PIP5K1A: variants seen among roughly 807,000 people sequenced by gnomAD.
PIP5K1A encodes phosphatidylinositol-4-phosphate 5-kinase type 1 alpha.
Under a neutral mutation model 72.9 loss-of-function variants are expected in PIP5K1A, and 46 were observed. The observed-to-expected ratio is 0.63, with a 90% CI of 0.50 to 0.81. The LOEUF (loss-of-function observed/expected upper bound fraction) is 0.81. Among genes scored for constraint, PIP5K1A ranks in the 30% least tolerant of loss-of-function variants. The probability of loss-of-function intolerance (pLI) is 0.00; values close to 1 mark genes in which losing one functional copy is unlikely to be tolerated. For synonymous variants in PIP5K1A, 228 were observed against 255.1 expected, an observed-to-expected ratio of 0.89 and a Z score of 1.01; for missense variants, 458 against 706.1, an observed-to-expected ratio of 0.65 and a Z score of 3.98.
At position 151,198,913 on chromosome 1, in the gene PIP5K1A, A is replaced by C. The variant is rs915777751; in HGVS notation, c.-84A>C. On this transcript the variant is annotated 5_prime_UTR_variant, in exon 1 of 16. Transcript: ENST00000368888. ...CCCACAGAACGCGGGTTCTGTAAAGAGACGTTGGGAAGATTCGATTCCGAG... is the reference window on the plus strand; with the variant it reads ...CCCACAGAACGCGGGTTCTGTAAAGCGACGTTGGGAAGATTCGATTCCGAG... 2.6e-5 allele frequency: 35 copies of C among 1,339,944 alleles called. No individual in the cohort carries two copies. Among genetic ancestry groups the C allele is most frequent in the Non-Finnish European group, 3.4e-5 (32 of 940,304 alleles). The allele number at this position is 1,339,944 out of a possible 1,614,324, so 83.0% of individuals were successfully genotyped here. A position where few individuals can be genotyped will look rare whatever the true frequency, so the allele number is the denominator to read the frequency against.
At chr1:151,212,212 G>A (rs918665742) in intron 1 of PIP5K1A, among the ~76,000 whole-genome samples, 5 of 152,146 alleles carry the variant, frequency 3.3e-5, no homozygotes, top group Non-Finnish European at 7.4e-5. Context: ...CCAGCACTTC[G>A]GGAGGCCAAA....
intron 14 of PIP5K1A, among the ~76,000 whole-genome samples, chr1:151,244,910 T>C (rs1692275083): frequency 6.6e-6 from 1 of 151,868 alleles, no homozygotes; most frequent in Admixed American, 6.6e-5. Flanking sequence ...TTGGCAGTGC[T>C]CTGGAGCTTA....
At chr1:151,215,923 C>T in intron 1 of PIP5K1A, 1 of 1,259,672 alleles carries the variant, frequency 7.9e-7, no homozygotes, top group Non-Finnish European at 1.1e-6. Flanking sequence ...CAAATGGGAC[C>T]CCAGGAGTAA....
intron 1 of PIP5K1A, among the ~76,000 whole-genome samples, chr1:151,213,956 A>G (rs187004357): frequency 1.3e-5 from 2 of 152,324 alleles, no homozygotes; most frequent in East Asian, 3.8e-4. Flanking sequence ...GGAAATGGTC[A>G]TCTTTTAACA....
At chr1:151,202,449 ACT>A (rs1213859891) in intron 1 of PIP5K1A, among the ~76,000 whole-genome samples, 1 of 151,896 alleles carries the variant, frequency 6.6e-6, no homozygotes, top group Non-Finnish European at 1.5e-5. Flanking sequence ...ACAAAGAAAC[ACT>A]CTCTTCCAAT....
Position 151,231,742 on chromosome 1 carries a change from A to C in PIP5K1A, c.309A>C (p.Lys103Asn). ...ACACTGTGGGGAGCCTGAGTACCAA[A>C]CCAGAGCGTGATGTCCTCATGCAAG... is the stretch of plus-strand genomic sequence containing the variant. ...ITHTVGSLST[K>N]PERDVLMQDF... The change falls in exon 5 of 16, where the codon AAA (lysine) becomes AAC (asparagine). Residue 103 changes from lysine to asparagine, a missense_variant. Physicochemically the swap from Lys to Asn is moderately conservative, Grantham distance 94 (BLOSUM62 0). Coordinates refer to ENST00000368888, the MANE Select transcript of PIP5K1A (RefSeq NM_001135638.2). 6.2e-7 allele frequency: 1 copy of C among 1,613,954 alleles called. No homozygotes were observed. Among genetic ancestry groups the C allele is most frequent in the African/African-American group, 1.3e-5 (1 of 75,050 alleles).
chr1:151,240,107 G>A (rs1570992682), intron 12 of PIP5K1A, 68 bp downstream of exon 12: 10 of 1,115,114 alleles, frequency 9.0e-6, no homozygotes, highest in Non-Finnish European at 1.4e-5. Context: ...GAGAACAGAG[G>A]GCAGGACACC....
intron 1 of PIP5K1A, among the ~76,000 whole-genome samples, chr1:151,212,051 G>T (rs1295130072): frequency 6.6e-6 from 1 of 151,992 alleles, no homozygotes; most frequent in Non-Finnish European, 1.5e-5. Context: ...GGCAGAGCTT[G>T]CAGTGAGCCA....
intron 8 of PIP5K1A, among the ~76,000 whole-genome samples, chr1:151,235,129 C>T (rs1237312048): frequency 2.6e-5 from 4 of 152,210 alleles, no homozygotes; most frequent in Non-Finnish European, 5.9e-5. Flanking sequence ...GTCACCCAGG[C>T]TGGAGTGCAA....
At chr1:151,226,277 G>A (rs1015343619) in intron 3 of PIP5K1A, among the ~76,000 whole-genome samples, 1 of 151,736 alleles carries the variant, frequency 6.6e-6, no homozygotes, top group African/African-American at 2.4e-5. Context: ...AGTAGAGACA[G>A]GGTTTCAACA....
chr1:151,242,708 G>A, intron 14 of PIP5K1A, 141 bp downstream of exon 14: 1 of 770,168 alleles, frequency 1.3e-6, no homozygotes, highest in Non-Finnish European at 2.1e-6. Context: ...TACTTTCTGT[G>A]GGTCAGGAAT....
At position 151,242,150 on chromosome 1, in the gene PIP5K1A, G is replaced by C. The variant is rs1057071633; in HGVS notation, c.1391G>C (p.Arg464Pro). The C allele has an allele frequency of 6.2e-7, 1 of 1,614,028 alleles. No homozygotes were observed. The highest frequency in any genetic ancestry group is 1.1e-5 in the South Asian group (1 of 91,060). ...PLKPSPSKKF[R>P]SGSSFSRRAG... ...AAGCCTTCTCCTTCCAAAAAGTTTC[G>C]GTCTGGCTCATCTTTCTCTCGGCGA... The change falls in exon 13 of 16, where the codon CGG becomes CCG. Residue 464 changes from arginine (R) to proline (P), a missense_variant. Coordinates refer to ENST00000368888, the MANE Select transcript of PIP5K1A (RefSeq NM_001135638.2).
At chr1:151,238,677 T>C (rs1460643040) in intron 10 of PIP5K1A, 4 of 241,430 alleles carry the variant, frequency 1.7e-5, no homozygotes, top group Non-Finnish European at 3.2e-5. Context: ...ACTGTGGAAC[T>C]AAGAGGCAAT....
At chr1:151,219,657 G>A (rs1339559697) in intron 1 of PIP5K1A, among the ~76,000 whole-genome samples, 1 of 151,772 alleles carries the variant, frequency 6.6e-6, no homozygotes, top group South Asian at 2.1e-4. Flanking sequence ...TTGTACCATT[G>A]CCCTCCAGTC....
rs1317136504 is a variant in PIP5K1A at position 151,232,773 on chromosome 1, G to T, written c.639+70G>T. The T allele has an allele frequency of 2.9e-6, 4 of 1,402,968 alleles. No homozygotes were observed. The Admixed American group carries it at 5.6e-5, about 20-fold the overall frequency. 86.9% of individuals were successfully genotyped at this position (1,402,968 alleles called of 1,614,324 possible). ...GGCAAGGCTGGGGAGGCTGTCTTCA[G>T]CAGGGTAAAACAGTGTCAGCACTTC... On this transcript the variant is annotated intron_variant, in intron 7 of 15. Coordinates refer to ENST00000368888, the MANE Select transcript of PIP5K1A (RefSeq NM_001135638.2).
chr1:151,197,261 A>C (rs1684638822), upstream of PIP5K1A, among the ~76,000 whole-genome samples: 1 of 151,558 alleles, frequency 6.6e-6, no homozygotes, highest in African/African-American at 2.4e-5. Context: ...GGGGGTTACA[A>C]AACCTGTTTT....
intron 12 of PIP5K1A, among the ~76,000 whole-genome samples, chr1:151,241,690 C>A (rs1691730831): frequency 6.6e-6 from 1 of 151,898 alleles, no homozygotes; most frequent in South Asian, 2.1e-4. Context: ...ATCCTAGCTA[C>A]CCAGGAGGCT....
intron 1 of PIP5K1A, among the ~76,000 whole-genome samples, chr1:151,208,624 G>A (rs965068145): frequency 6.6e-6 from 1 of 150,628 alleles, no homozygotes; most frequent in South Asian, 2.1e-4. Flanking sequence ...CTCCCAAAGT[G>A]CTGGGATTAC....
Position 151,222,712 on chromosome 1 carries a change from T to C in PIP5K1A, c.86-1533T>C, listed in dbSNP as rs201617958. 2.0e-5 allele frequency among the ~76,000 whole-genome samples: 3 copies of C among 152,112 alleles called. No homozygotes were observed. In the East Asian group the frequency reaches 5.8e-4, roughly 29 times the overall value. On this transcript the variant is annotated intron_variant, in intron 1 of 15. Coordinates refer to ENST00000368888, the MANE Select transcript of PIP5K1A (RefSeq NM_001135638.2). ...CTGACCAAAGAGTCTAGAATCAGCA[T>C]TTTTATTTTCAACTGAAAGCATACA...
Sources: allele counts gnomAD v4.1 joint callset (sites outside exome capture counted in the v4.1 genomes callset), GRCh38; gene constraint gnomAD v4.1.1; transcripts MANE v1.5; gene names NCBI Gene and HGNC (gene_info 2026-07-23, HGNC 2026-07-21).